Variants in MGMT observed in about 807,000 individuals in gnomAD.
The protein encoded by MGMT is O-6-methylguanine-DNA methyltransferase.
MGMT carries 14 observed loss-of-function variants against 15.9 expected under a neutral mutation model. That is an observed-to-expected ratio of 0.88 (90% CI 0.58 to 1.37). The LOEUF (loss-of-function observed/expected upper bound fraction) is 1.37. Ranked by LOEUF, MGMT falls within the 40% of genes most tolerant of loss-of-function variation. The pLI, the probability that MGMT is intolerant of heterozygous loss-of-function variation, is 0.00. For missense variants in MGMT, 282 were observed against 268.1 expected (o/e 1.05, Z -0.36); for synonymous variants, 130 against 118.2 (o/e 1.10, Z -0.65).
At position 129,768,831 on chromosome 10, in the gene MGMT, AG is replaced by A. The variant is rs1262499706; in HGVS notation, c.*1835del. ...CCCCGATGGCTCCCTGTGCTCCCTG[AG>A]ACCCTACAGGCCGCCCTCTGCAGCC... On this transcript the variant is annotated 3_prime_UTR_variant, in exon 5 of 5. Coordinates refer to ENST00000651593, the MANE Select transcript of MGMT (RefSeq NM_002412.5). 6.6e-6 allele frequency: 1 copy of A among 152,340 alleles called. No homozygotes were observed. The highest frequency in any genetic ancestry group is 6.5e-5 in the Admixed American group (1 of 15,286). The allele number at this position is 152,340 out of a possible 1,614,324, so 9.4% of individuals were successfully genotyped here. A position where few individuals can be genotyped will look rare whatever the true frequency, so the allele number is the denominator to read the frequency against.
intron 2 of MGMT, among the ~76,000 whole-genome samples, chr10:129,690,819 C>T (rs935115664): frequency 6.6e-6 from 1 of 152,092 alleles, no homozygotes; most frequent in African/African-American, 2.4e-5. Context: ...AGCCTGAGCC[C>T]CAGGCCAGAC....
intron 1 of MGMT, among the ~76,000 whole-genome samples, chr10:129,476,971 T>A (rs1247389328): frequency 2.0e-5 from 3 of 152,012 alleles, no homozygotes; most frequent in Non-Finnish European, 4.4e-5. Flanking sequence ...CCTCGCAGCC[T>A]CCCCGCCTGT....
At chr10:129,525,676 A>G (rs576781321) in intron 1 of MGMT, among the ~76,000 whole-genome samples, 2 of 152,342 alleles carry the variant, frequency 1.3e-5, no homozygotes, top group Admixed American at 1.3e-4. Flanking sequence ...CTCCTGTTCC[A>G]GGACCCAGAC....
intron 3 of MGMT, among the ~76,000 whole-genome samples, chr10:129,729,935 A>G (rs985394862): frequency 1.3e-5 from 2 of 152,198 alleles, no homozygotes; most frequent in Non-Finnish European, 2.9e-5. Flanking sequence ...CCTGAAACAC[A>G]GTCAGACGGT....
chr10:129,603,300 A>G (rs1414863692), intron 2 of MGMT, among the ~76,000 whole-genome samples: 1 of 152,264 alleles, frequency 6.6e-6, no homozygotes. Context: ...TGATAGCATG[A>G]AAATGTACCA....
At chr10:129,739,965 C>T (rs1003348026) in intron 3 of MGMT, among the ~76,000 whole-genome samples, 1 of 152,196 alleles carries the variant, frequency 6.6e-6, no homozygotes, top group Admixed American at 6.5e-5. Context: ...AATGTAAGGT[C>T]GTGTGGCCAC....
chr10:129,715,600 T>A (rs1249851762), intron 3 of MGMT: 1 of 152,252 alleles, frequency 6.6e-6, no homozygotes, highest in African/African-American at 2.4e-5. Flanking sequence ...ATTCATGTTT[T>A]ACAGGTAATG....
intron 3 of MGMT, among the ~76,000 whole-genome samples, chr10:129,718,545 G>A (rs887478165): frequency 1.3e-4 from 20 of 152,160 alleles, no homozygotes; most frequent in Non-Finnish European, 2.6e-4. Context: ...GTGGCTCTCA[G>A]TCACTTACCC....
chr10:129,491,301 C>G (rs1001397271), intron 1 of MGMT, among the ~76,000 whole-genome samples: 2 of 152,104 alleles, frequency 1.3e-5, no homozygotes, highest in African/African-American at 4.8e-5. Flanking sequence ...CTGAAGTTTG[C>G]TGAAAAGTCA....
In MGMT at chr10:129,767,133, AT is replaced by A; in HGVS notation, c.*140del. On this transcript the variant is annotated 3_prime_UTR_variant, in exon 5 of 5. Transcript: ENST00000651593. ...GCGTGTCTGCCCTTTCTGTTTCCAT[AT>A]TTTACAGCAGGATGAGTTCAGACGC... 1.3e-6 allele frequency: 1 copy of A among 755,426 alleles called. No homozygotes were observed. Among genetic ancestry groups the A allele is most frequent in the East Asian group, 2.8e-5 (1 of 35,282 alleles). 46.8% of individuals were successfully genotyped at this position (755,426 alleles called of 1,614,324 possible).
intron 2 of MGMT, among the ~76,000 whole-genome samples, chr10:129,640,197 A>G (rs1202345736): frequency 1.3e-5 from 2 of 151,146 alleles, no homozygotes; most frequent in East Asian, 3.9e-4. Flanking sequence ...TCCCGGGTTC[A>G]AGTGATTCTT....
At chr10:129,730,952 C>T (rs970696176) in intron 3 of MGMT, among the ~76,000 whole-genome samples, 1 of 152,136 alleles carries the variant, frequency 6.6e-6, no homozygotes, top group African/African-American at 2.4e-5. Context: ...GTTTAGGAGG[C>T]TCTAAGTATT....
chr10:129,716,141 C>T (rs938268411), intron 3 of MGMT, among the ~76,000 whole-genome samples: 4 of 152,136 alleles, frequency 2.6e-5, no homozygotes, highest in South Asian at 2.1e-4. Flanking sequence ...AGAACGAAAT[C>T]GAGGAAAAGA....
intron 2 of MGMT, among the ~76,000 whole-genome samples, chr10:129,578,354 TA>T (rs927515780): frequency 6.6e-6 from 1 of 152,108 alleles, no homozygotes; most frequent in Non-Finnish European, 1.5e-5. Context: ...TATGCAGCCA[TA>T]AAAAATGATG....
intron 2 of MGMT, among the ~76,000 whole-genome samples, chr10:129,687,940 A>T (rs1847927474): frequency 6.6e-6 from 1 of 151,930 alleles, no homozygotes; most frequent in Non-Finnish European, 1.5e-5. Context: ...GAGTGAGAAC[A>T]CATGGTGTTT....
Position 129,707,892 on chromosome 10 carries a change from C to T in MGMT, c.126-3C>T. 6.2e-7 allele frequency: 1 copy of T among 1,610,832 alleles called. No individual in the cohort carries two copies. The highest frequency in any genetic ancestry group is 1.1e-5 in the South Asian group (1 of 91,014). ...TACTAAGCCCCTGTTCTCACTTTTG[C>T]AGTGCCGTGGAGGTCCCAGCCCCCG... On this transcript the variant is annotated splice_region_variant and splice_polypyrimidine_tract_variant and intron_variant, in intron 2 of 4. Coordinates refer to ENST00000651593, the MANE Select transcript of MGMT (RefSeq NM_002412.5).
chr10:129,730,389 G>A (rs969179193), intron 3 of MGMT, among the ~76,000 whole-genome samples: 6 of 152,114 alleles, frequency 3.9e-5, no homozygotes, highest in Non-Finnish European at 5.9e-5. Context: ...CATGTTGTTC[G>A]ATAACAAGGT....
intron 2 of MGMT, among the ~76,000 whole-genome samples, chr10:129,545,609 G>A (rs1388140231): frequency 6.6e-6 from 1 of 152,186 alleles, no homozygotes; most frequent in African/African-American, 2.4e-5. Context: ...CCATCCTCAG[G>A]ATGCCATTGC....
intron 3 of MGMT, among the ~76,000 whole-genome samples, chr10:129,746,745 T>C (rs1848700595): frequency 6.6e-6 from 1 of 152,220 alleles, no homozygotes; most frequent in Non-Finnish European, 1.5e-5. Context: ...TTATTATGTA[T>C]AGTAAGTCTT....
Sources: allele counts gnomAD v4.1 joint callset (sites outside exome capture counted in the v4.1 genomes callset), GRCh38; gene constraint gnomAD v4.1.1; transcripts MANE v1.5; gene names NCBI Gene and HGNC (gene_info 2026-07-23, HGNC 2026-07-21).